STK26: variants seen among roughly 807,000 people sequenced by gnomAD.
STK26 encodes the protein serine/threonine-protein kinase 26.
Under a neutral mutation model 34.7 loss-of-function variants are expected in STK26, and 14 were observed. That is an observed-to-expected ratio of 0.40 (90% CI 0.27 to 0.63). The LOEUF (loss-of-function observed/expected upper bound fraction) is 0.63. STK26 is among the 30% of genes least tolerant of loss of function. The probability of loss-of-function intolerance (pLI) is 0.38; values close to 1 mark genes in which losing one functional copy is unlikely to be tolerated. For synonymous variants in STK26, 100 were observed against 109.8 expected (o/e 0.91, Z 0.56); for missense variants, 226 against 309.1 (o/e 0.73, Z 2.02).
intron 2 of STK26, among the ~76,000 whole-genome samples, chrX:132,026,561 C>A (rs978857991): frequency 8.9e-6 from 1 of 111,817 alleles, no homozygotes; most frequent in African/African-American, 3.2e-5. Flanking sequence ...ATGATTCAAA[C>A]CCTGTTTTCT....
chrX:132,075,380 T>C lies in STK26; in HGVS notation c.*1221T>C, dbSNP rs1375324158. ...TAGAATTATTGATATTTAGTTTTGATAGCTAATGTTTAATTGTTTGGATCT... is the reference window on the plus strand; with the variant it reads ...TAGAATTATTGATATTTAGTTTTGACAGCTAATGTTTAATTGTTTGGATCT... On this transcript the variant is annotated 3_prime_UTR_variant, in exon 12 of 12. Coordinates refer to ENST00000394334, the MANE Select transcript of STK26 (RefSeq NM_016542.4). The C allele has an allele frequency of 9.0e-6, 1 of 111,630 alleles. No individual in the cohort carries two copies. The highest frequency in any genetic ancestry group is 1.9e-5 in the Non-Finnish European group (1 of 52,988). The allele number at this position is 111,630 out of a possible 1,213,427, so 9.2% of individuals were successfully genotyped here.
rs1556013091 is a variant in STK26, at chrX:132,044,688, TAG to T, written c.43-9923_43-9922del. On this transcript the variant is annotated intron_variant, in intron 2 of 11. Transcript: ENST00000394334. Reference sequence around the variant, plus strand: ...CTCGAGATCTATATATATATATATATAGAGAGAGAGAGAGAGAGAGATCTATA... The same window carrying T: ...CTCGAGATCTATATATATATATATATAGAGAGAGAGAGAGAGAGATCTATA... 1.5e-3 allele frequency among the ~76,000 whole-genome samples: 63 copies of T among 43,388 alleles called. 9 individuals are homozygous for T. The highest frequency in any genetic ancestry group is 4.8e-3 in the African/African-American group (41 of 8,574). The allele number at this position is 43,388 out of a possible 115,157, so 37.7% of individuals were successfully genotyped here.
At chrX:132,071,990 T>G (rs1227897042) in intron 8 of STK26, among the ~76,000 whole-genome samples, 1 of 111,614 alleles carries the variant, frequency 9.0e-6, no homozygotes, top group Admixed American at 9.5e-5. Flanking sequence ...GCCACACCAC[T>G]GGAGATCCTG....
At chrX:132,056,307 A>T (rs1230846647) in intron 3 of STK26, among the ~76,000 whole-genome samples, 1 of 111,961 alleles carries the variant, frequency 8.9e-6, no homozygotes, top group Non-Finnish European at 1.9e-5. Context: ...GTGTGAAAAG[A>T]CCTTCTTCCT....
intron 2 of STK26, 22 bp from the exon 3 acceptor site, chrX:132,054,609 T>A (rs1926794656): frequency 8.7e-7 from 1 of 1,150,738 alleles, no homozygotes; most frequent in Middle Eastern, 2.4e-4. Flanking sequence ...TCTTTCTTTT[T>A]CTCGTTCCCC....
chrX:132,028,742 C>G (rs767761610), intron 2 of STK26, among the ~76,000 whole-genome samples: 1 of 110,465 alleles, frequency 9.1e-6, no homozygotes, highest in Admixed American at 9.6e-5. Flanking sequence ...GAACGTGTGT[C>G]AAGTTAGAGA....
chrX:132,065,204 A>G (rs1319602521), intron 4 of STK26, among the ~76,000 whole-genome samples: 1 of 111,722 alleles, frequency 9.0e-6, no homozygotes, highest in Non-Finnish European at 1.9e-5. Context: ...ATATGGAGTC[A>G]GGCTTCATTC....
rs145457712 is a variant in STK26, at chrX:132,037,600, C to T, written c.42+13941C>T. ...AAATCAGAGATATGTGGGCAGTAAA[C>T]GAGTGACTTCTACTTCACAGAAACT... On this transcript the variant is annotated intron_variant, in intron 2 of 11. Coordinates refer to ENST00000394334, the MANE Select transcript of STK26 (RefSeq NM_016542.4). Among the ~76,000 whole-genome samples the T allele has an allele frequency of 4.3e-3, 479 of 110,135 alleles. 3 individuals carry two copies. The highest frequency in any genetic ancestry group is 0.015 in the African/African-American group (450 of 30,207).
In STK26 at chrX:132,051,471, C is replaced by T. The variant is rs372191453; in HGVS notation, c.43-3160C>T. ...TCAATATGAGCTTAATTTAGCAGTT[C>T]CTCCTATTTGACACTACAGAACATA... On this transcript the variant is annotated intron_variant, in intron 2 of 11. Transcript: ENST00000394334. Among the ~76,000 whole-genome samples, 4 of 111,381 alleles carry T rather than the reference C, an allele frequency of 3.6e-5. No individual in the cohort carries two copies. The South Asian group carries it at 1.5e-3, about 42-fold the overall frequency.
intron 2 of STK26, among the ~76,000 whole-genome samples, chrX:132,029,365 G>C (rs1039968731): frequency 7.2e-5 from 8 of 111,880 alleles, no homozygotes; most frequent in Non-Finnish European, 1.5e-4. Context: ...TTGCCTCAAT[G>C]AGAGGTTATT....
chrX:132,044,819 TTA>T lies in STK26; in HGVS notation c.43-9803_43-9802del, dbSNP rs199650022. 1.5e-3 allele frequency among the ~76,000 whole-genome samples: 69 copies of T among 46,406 alleles called. 1 individual carries two copies. The highest frequency in any genetic ancestry group is 5.2e-3 in the South Asian group (6 of 1,152). 40.3% of individuals were successfully genotyped at this position (46,406 alleles called of 115,157 possible). A position where few individuals can be genotyped will look rare whatever the true frequency, so the allele number is the denominator to read the frequency against. On this transcript the variant is annotated intron_variant, in intron 2 of 11. Transcript: ENST00000394334. ...TATAGAGAGAGATCTATATATATAT[TTA>T]TATATATAGAGAGAGATCTATATAT...
chrX:132,063,611 C>A, intron 4 of STK26, 122 bp downstream of exon 4: 1 of 577,727 alleles, frequency 1.7e-6, no homozygotes, highest in South Asian at 4.0e-5. Flanking sequence ...TTAATATGTT[C>A]AAATTAAATT....
intron 2 of STK26, among the ~76,000 whole-genome samples, chrX:132,040,185 A>G (rs1477480163): frequency 8.9e-6 from 1 of 112,743 alleles, no homozygotes; most frequent in African/African-American, 3.2e-5. Flanking sequence ...CAAAGCCTGA[A>G]ATATTTAGCA....
Position 132,023,793 on chromosome X carries a change from G to C in STK26, c.42+134G>C, listed in dbSNP as rs910255278. On this transcript the variant is annotated intron_variant, in intron 2 of 11. Coordinates refer to ENST00000394334, the MANE Select transcript of STK26 (RefSeq NM_016542.4). ...GCAGGGCCGGTCACTATGGCCAGGT[G>C]ACCTGGGAGTAGGGCTGGAGGTGTT... is the stretch of plus-strand genomic sequence containing the variant. 5.2e-6 allele frequency: 4 copies of C among 769,720 alleles called. No homozygotes were observed. In the African/African-American group the frequency reaches 8.5e-5, roughly 16 times the overall value. 63.4% of individuals were successfully genotyped at this position (769,720 alleles called of 1,213,427 possible).
chrX:132,057,561 T>C (rs771758269), intron 3 of STK26, among the ~76,000 whole-genome samples: 127 of 111,300 alleles, frequency 1.1e-3, no homozygotes, highest in Non-Finnish European at 2.1e-3. Context: ...TTGGGGGCTT[T>C]TTATGTATAT....
intron 3 of STK26, among the ~76,000 whole-genome samples, chrX:132,059,192 C>CTG (rs906662780): frequency 3.3e-4 from 37 of 111,673 alleles, no homozygotes; most frequent in Non-Finnish European, 6.2e-4. Flanking sequence ...AGTCAACTTA[C>CTG]ATACTTATTG....
chrX:132,023,762 C>G, intron 2 of STK26, 103 bp downstream of exon 2: 1 of 1,003,136 alleles, frequency 1.0e-6, no homozygotes, highest in East Asian at 3.3e-5. Context: ...CAGGGCTCCC[C>G]TGAGGGCAGG....
At chrX:132,037,617 A>G (rs950407473) in intron 2 of STK26, among the ~76,000 whole-genome samples, 8 of 110,612 alleles carry the variant, frequency 7.2e-5, no homozygotes, top group African/African-American at 2.6e-4. Flanking sequence ...CTTCTACTTC[A>G]CAGAAACTTG....
chrX:132,046,394 T>C (rs914556046), intron 2 of STK26, among the ~76,000 whole-genome samples: 7 of 111,986 alleles, frequency 6.3e-5, no homozygotes, highest in Non-Finnish European at 1.3e-4. Flanking sequence ...CTCCTCAAAC[T>C]GCTATGTTAT....
Sources: gnomAD v4.1 joint callset for allele counts (sites outside exome capture counted in the v4.1 genomes callset) on GRCh38, gnomAD v4.1.1 for gene constraint, MANE v1.5 for transcripts, NCBI Gene and HGNC (gene_info 2026-07-23, HGNC 2026-07-21) for gene names.